The following GTSE1 variants were observed in gnomAD, a reference collection of about 807,000 sequenced individuals.
The protein encoded by GTSE1 is G2 and S phase-expressed protein 1.
Under a neutral mutation model 60.5 loss-of-function variants are expected in GTSE1, and 52 were observed. The observed-to-expected ratio is 0.86, with a 90% CI of 0.69 to 1.08. The LOEUF (loss-of-function observed/expected upper bound fraction) is 1.08, where lower values mean the gene tolerates loss of function less well. GTSE1 is among the 50% of genes least tolerant of loss of function. The pLI is 0.00. For missense variants in GTSE1, 937 were observed against 961.8 expected (o/e 0.97, Z 0.34); for synonymous variants, 368 against 386.5 (o/e 0.95, Z 0.56).
chr22:46,305,614 A>T (rs2077711251), intron 2 of GTSE1, among the ~76,000 whole-genome samples: 1 of 142,486 alleles, frequency 7.0e-6, no homozygotes, highest in African/African-American at 2.6e-5. Context: ...ATCTCAAAAA[A>T]ATAAAAAGAA....
At position 46,323,235 on chromosome 22, in the gene GTSE1, G is replaced by C; in HGVS notation, c.1478G>C (p.Arg493Pro). 1 of 1,613,880 alleles carries C rather than the reference G, an allele frequency of 6.2e-7. No individual in the cohort carries two copies. Among genetic ancestry groups the C allele is most frequent in the Non-Finnish European group, 8.5e-7 (1 of 1,179,748 alleles). The change falls in exon 8 of 12, where the codon CGG becomes CCG. Residue 493 changes from arginine (R) to proline (P), a missense_variant. Physicochemically the swap from Arg to Pro is moderately radical, Grantham distance 103. Coordinates refer to ENST00000454366, the MANE Select transcript of GTSE1 (RefSeq NM_016426.7). ...ACACCAAAGCTTTCGCGGGCACAGC[G>C]GCCGCAGTCGTGCACGTCAGTTGGC... ...SSTPKLSRAQ[R>P]PQSCTSVGRV...
In GTSE1 at chr22:46,297,269, G is replaced by A. The variant is rs2077662371; in HGVS notation, c.-21-111G>A. The A allele has an allele frequency of 1.4e-6, 1 of 722,890 alleles. No homozygotes were observed. The highest frequency in any genetic ancestry group is 1.5e-5 in the South Asian group (1 of 66,758). The allele number at this position is 722,890 out of a possible 1,614,324, so 44.8% of individuals were successfully genotyped here. ...AGCGGCCCCCGCGCCGCCTCTCCCAGACCTGGCCGCGGCCTTCAGCTCTCT... is the reference window on the plus strand; with the variant it reads ...AGCGGCCCCCGCGCCGCCTCTCCCAAACCTGGCCGCGGCCTTCAGCTCTCT... On this transcript the variant is annotated intron_variant, in intron 1 of 11. Coordinates refer to ENST00000454366, the MANE Select transcript of GTSE1 (RefSeq NM_016426.7). This position sits in a 1 kb window ranked among gnomAD's most constrained non-coding sequence, Gnocchi z 4.9.
intron 9 of GTSE1, among the ~76,000 whole-genome samples, chr22:46,328,412 C>T (rs1233379433): frequency 6.6e-6 from 1 of 152,292 alleles, no homozygotes; most frequent in East Asian, 1.9e-4. Context: ...AGGTGACGGG[C>T]GTGCGCATTA....
At position 46,310,920 on chromosome 22, in the gene GTSE1, C is replaced by T. The variant is rs1224284582; in HGVS notation, c.763-1221C>T. On this transcript the variant is annotated intron_variant, in intron 4 of 11. Transcript: ENST00000454366. This position sits in a 1 kb window ranked among gnomAD's most constrained non-coding sequence, Gnocchi z 4.4. Reference sequence around the variant, plus strand: ...AAACATTTTGCTCAGTGAGAGAGGCCATAACAAAAGGTCCCATGTCGTATG... The same window carrying T: ...AAACATTTTGCTCAGTGAGAGAGGCTATAACAAAAGGTCCCATGTCGTATG... Among the ~76,000 whole-genome samples, 1 of 152,014 alleles carries T rather than the reference C, an allele frequency of 6.6e-6. No homozygotes were observed. Among genetic ancestry groups the T allele is most frequent in the Non-Finnish European group, 1.5e-5 (1 of 68,012 alleles).
chr22:46,320,156 G>A lies in GTSE1; in HGVS notation c.1433-3034G>A, dbSNP rs1055045625. ...CGTCTGCCATGTCTCTCCTGACCAC[G>A]TTGGCACAAGTGTTGGCTGGTCTCC... On this transcript the variant is annotated intron_variant, in intron 7 of 11. Coordinates refer to ENST00000454366, the MANE Select transcript of GTSE1 (RefSeq NM_016426.7). The surrounding 1 kb of genome is among the most constrained non-coding windows in gnomAD (Gnocchi z 7.1). 6.6e-6 allele frequency among the ~76,000 whole-genome samples: 1 copy of A among 152,114 alleles called. No individual in the cohort carries two copies. The highest frequency in any genetic ancestry group is 1.9e-4 in the East Asian group (1 of 5,188).
chr22:46,298,571 G>T (rs1468586794), intron 2 of GTSE1, among the ~76,000 whole-genome samples: 1 of 152,138 alleles, frequency 6.6e-6, no homozygotes, highest in Non-Finnish European at 1.5e-5. Flanking sequence ...GCCTCCCAAA[G>T]TACTGGGATT....
Position 46,321,698 on chromosome 22 carries a change from G to A in GTSE1, c.1433-1492G>A, listed in dbSNP as rs1156810437. ...CACGCTGGAAGCAGAGCTGGGTGTG[G>A]TGGGAGACTTGTTTGTCTCATAAAA... On this transcript the variant is annotated intron_variant, in intron 7 of 11. Transcript: ENST00000454366. This position sits in a 1 kb window ranked among gnomAD's most constrained non-coding sequence, Gnocchi z 4.0. Among the ~76,000 whole-genome samples, 2 of 152,212 alleles carry A rather than the reference G, an allele frequency of 1.3e-5. No homozygotes were observed. The highest frequency in any genetic ancestry group is 2.9e-5 in the Non-Finnish European group (2 of 68,036).
intron 2 of GTSE1, among the ~76,000 whole-genome samples, chr22:46,302,935 T>A (rs1198926428): frequency 6.7e-6 from 1 of 149,524 alleles, no homozygotes; most frequent in Non-Finnish European, 1.5e-5. Flanking sequence ...AGTCTTGCTC[T>A]GTCACCCAGG....
At position 46,321,226 on chromosome 22, in the gene GTSE1, A is replaced by G. The variant is rs988508767; in HGVS notation, c.1433-1964A>G. On this transcript the variant is annotated intron_variant, in intron 7 of 11. Coordinates refer to ENST00000454366, the MANE Select transcript of GTSE1 (RefSeq NM_016426.7). This position sits in a 1 kb window ranked among gnomAD's most constrained non-coding sequence, Gnocchi z 4.0. ...GAAAACAAACACCAGCCTGGGCGAC[A>G]CAGTGAGACCCCGATTCTACAAAAA... Among the ~76,000 whole-genome samples, 1 of 152,178 alleles carries G rather than the reference A, an allele frequency of 6.6e-6. No individual in the cohort carries two copies. Among genetic ancestry groups the G allele is most frequent in the Admixed American group, 6.5e-5 (1 of 15,278 alleles).
At chr22:46,328,651 A>T (rs748450455) in intron 9 of GTSE1, 37 bp from the exon 10 acceptor site, 3 of 1,503,978 alleles carry the variant, frequency 2.0e-6, no homozygotes, top group Admixed American at 3.4e-5. Context: ...CGAGCATTTT[A>T]GAGACATTTT....
At position 46,309,096 on chromosome 22, in the gene GTSE1, T is replaced by C. The variant is rs181591186; in HGVS notation, c.762+153T>C. 6.6e-6 allele frequency among the ~76,000 whole-genome samples: 1 copy of C among 152,304 alleles called. No individual in the cohort carries two copies. Among genetic ancestry groups the C allele is most frequent in the African/African-American group, 2.4e-5 (1 of 41,562 alleles). ...GGAGTCCAGGAAAAGCAGTTGCCAA[T>C]AGGGAGCTGATGTGGGGGTGGCTTG... On this transcript the variant is annotated intron_variant, in intron 4 of 11. Coordinates refer to ENST00000454366, the MANE Select transcript of GTSE1 (RefSeq NM_016426.7). This position sits in a 1 kb window ranked among gnomAD's most constrained non-coding sequence, Gnocchi z 6.2.
rs1162066360 is a variant in GTSE1 at position 46,324,842 on chromosome 22, A to G, written c.1505+1580A>G. Among the ~76,000 whole-genome samples the G allele has an allele frequency of 1.3e-5, 2 of 152,118 alleles. No homozygotes were observed. The highest frequency in any genetic ancestry group is 2.4e-5 in the African/African-American group (1 of 41,414). On this transcript the variant is annotated intron_variant, in intron 8 of 11. Transcript: ENST00000454366. The surrounding 1 kb of genome is among the most constrained non-coding windows in gnomAD (Gnocchi z 5.2). ...CAGCCTCGTTGCTTTTCTTCCATTT[A>G]AATAGGCTAGAGTCAGTCTGTTTTC...
Position 46,330,074 on chromosome 22 carries a change from C to G in GTSE1, c.2164C>G (p.Gln722Glu), listed in dbSNP as rs776761037. Residue 722 changes from glutamine to glutamate, a missense_variant, in exon 12 of 12, where the codon CAG becomes GAG. Coordinates refer to ENST00000454366, the MANE Select transcript of GTSE1 (RefSeq NM_016426.7). This position sits in a 1 kb window ranked among gnomAD's most constrained non-coding sequence, Gnocchi z 6.0. ...QLIDLSSPLI[Q>E]LSPEADKENV... ...CATAGACCTGAGCTCCCCTCTGATC[C>G]AGCTGAGCCCTGAGGCTGACAAGGA... 1.9e-6 allele frequency: 3 copies of G among 1,611,198 alleles called. No homozygotes were observed.
Position 46,319,173 on chromosome 22 carries a change from A to T in GTSE1, c.1432+2761A>T, listed in dbSNP as rs183952240. 6.6e-6 allele frequency among the ~76,000 whole-genome samples: 1 copy of T among 152,318 alleles called. No homozygotes were observed. The highest frequency in any genetic ancestry group is 2.4e-5 in the African/African-American group (1 of 41,578). ...GCAGGGTAAGAAGAGATGAAGATGG[A>T]GGGGCAGCCCGAGGCCGGCTCCCAG... On this transcript the variant is annotated intron_variant, in intron 7 of 11. Transcript: ENST00000454366. This position sits in a 1 kb window ranked among gnomAD's most constrained non-coding sequence, Gnocchi z 5.0.
chr22:46,315,674 GC>G (rs1372273280), intron 6 of GTSE1, among the ~76,000 whole-genome samples: 1 of 152,130 alleles, frequency 6.6e-6, no homozygotes, highest in Non-Finnish European at 1.5e-5. Context: ...CTTGTTCCCT[GC>G]CCACCTCTGT....
rs1342266455 is a variant in GTSE1, at chr22:46,319,119, A to G, written c.1432+2707A>G. Among the ~76,000 whole-genome samples the G allele has an allele frequency of 6.6e-6, 1 of 152,218 alleles. No homozygotes were observed. Among genetic ancestry groups the G allele is most frequent in the Non-Finnish European group, 1.5e-5 (1 of 68,038 alleles). On this transcript the variant is annotated intron_variant, in intron 7 of 11. Coordinates refer to ENST00000454366, the MANE Select transcript of GTSE1 (RefSeq NM_016426.7). This position sits in a 1 kb window ranked among gnomAD's most constrained non-coding sequence, Gnocchi z 5.0. ...GGAAAGTTGCTGTTGAACAAAAACT[A>G]GCAACCTCAGCCAGTCAGTGACCGA...
chr22:46,316,296 A>C lies in GTSE1; in HGVS notation c.1316A>C (p.Glu439Ala), dbSNP rs753514857. The C allele has an allele frequency of 6.2e-7, 1 of 1,614,094 alleles. No homozygotes were observed. Among genetic ancestry groups the C allele is most frequent in the Non-Finnish European group, 8.5e-7 (1 of 1,180,026 alleles). ...QWLNSSCAWS[E>A]SSQLNKTRSI... is the part of the protein sequence containing the mutation. ...CTGAACTCCAGTTGCGCTTGGTCAG[A>C]ATCTTCTCAATTGAATAAGACTAGA... The change falls in exon 7 of 12, where the codon GAA (glutamate) becomes GCA (alanine). Residue 439 changes from glutamate (E) to alanine (A), a missense_variant. Physicochemically the swap from Glu to Ala is moderately radical, Grantham distance 107. Transcript: ENST00000454366. This position sits in a 1 kb window ranked among gnomAD's most constrained non-coding sequence, Gnocchi z 5.0.
rs140647551 is a variant in GTSE1, at chr22:46,320,308, G to C, written c.1433-2882G>C. Among the ~76,000 whole-genome samples, 148 of 152,258 alleles carry C rather than the reference G, an allele frequency of 9.7e-4. No homozygotes were observed. The highest frequency in any genetic ancestry group is 2.1e-3 in the East Asian group (11 of 5,180). On this transcript the variant is annotated intron_variant, in intron 7 of 11. Coordinates refer to ENST00000454366, the MANE Select transcript of GTSE1 (RefSeq NM_016426.7). This position sits in a 1 kb window ranked among gnomAD's most constrained non-coding sequence, Gnocchi z 7.1. The stretch of plus-strand genomic sequence containing the variant: ...CCTCTCAGATGTGCATTTCACCTTC[G>C]GCAGGCGGTTCCTCCTCTCTCCACA...
chr22:46,298,921 G>A (rs537691294), intron 2 of GTSE1, among the ~76,000 whole-genome samples: 76 of 152,232 alleles, frequency 5.0e-4, no homozygotes, highest in Middle Eastern at 3.4e-3. Flanking sequence ...CCTCTCCATT[G>A]CTGTGTTTCT....
Sources: gnomAD v4.1 joint callset for allele counts (sites outside exome capture counted in the v4.1 genomes callset) on GRCh38, gnomAD v4.1.1 for gene constraint, Gnocchi (gnomAD v3.1) non-coding constraint, MANE v1.5 for transcripts, NCBI Gene and HGNC (gene_info 2026-07-23, HGNC 2026-07-21) for gene names.